GON4L: variants seen among roughly 807,000 people sequenced by gnomAD.
GON4L encodes gon-4 like.
Under a neutral mutation model 211.8 loss-of-function variants are expected in GON4L, and 87 were observed. The observed-to-expected ratio is 0.41, with a 90% CI of 0.35 to 0.49. GON4L has a LOEUF of 0.49. Ranked by LOEUF, GON4L falls within the 20% of genes least tolerant of loss-of-function variation. GON4L has a pLI of 0.15. For missense variants in GON4L, 2,155 were observed against 2,659.5 expected (o/e 0.81, Z 4.17); for synonymous variants, 875 against 962.6 (o/e 0.91, Z 1.68).
At chr1:155,839,274 A>C (rs1670574437) in intron 2 of GON4L, among the ~76,000 whole-genome samples, 1 of 152,120 alleles carries the variant, frequency 6.6e-6, no homozygotes, top group Admixed American at 6.6e-5. Flanking sequence ...CATAAGAAAG[A>C]ATCCTGCAGA....
At chr1:155,795,214 C>A in intron 11 of GON4L, 63 bp from the exon 12 acceptor site, 1 of 931,374 alleles carries the variant, frequency 1.1e-6, no homozygotes, top group South Asian at 1.3e-5. Context: ...AGAATCTGTT[C>A]CAATAAAGCA....
chr1:155,790,879 G>A (rs1161187202), intron 12 of GON4L, among the ~76,000 whole-genome samples: 1 of 151,854 alleles, frequency 6.6e-6, no homozygotes, highest in Admixed American at 6.6e-5. Flanking sequence ...GGGAGTCGGA[G>A]GTTGCAGTGA....
At chr1:155,789,326 A>C (rs1445423878) in intron 12 of GON4L, among the ~76,000 whole-genome samples, 1 of 152,158 alleles carries the variant, frequency 6.6e-6, no homozygotes, top group African/African-American at 2.4e-5. Context: ...GCTCTAGTTC[A>C]TTATATGCGT....
At chr1:155,802,063 A>G (rs1666722207) in intron 11 of GON4L, among the ~76,000 whole-genome samples, 1 of 152,182 alleles carries the variant, frequency 6.6e-6, no homozygotes, top group African/African-American at 2.4e-5. Context: ...TTAGGACTAA[A>G]ATTTAATTAT....
At chr1:155,775,616 G>A (rs538339568) in intron 16 of GON4L, among the ~76,000 whole-genome samples, 9 of 151,806 alleles carry the variant, frequency 5.9e-5, no homozygotes, top group South Asian at 2.1e-4. Flanking sequence ...CCGCTACCAC[G>A]CCCGGCTATT....
intron 27 of GON4L, among the ~76,000 whole-genome samples, chr1:155,755,039 T>G (rs1015646304): frequency 4.0e-5 from 6 of 150,290 alleles, no homozygotes; most frequent in Admixed American, 4.0e-4. Flanking sequence ...CCCAAGTAGC[T>G]GGGACTGCGC....
At chr1:155,785,293 G>C (rs1664829680) in intron 13 of GON4L, 41 bp downstream of exon 13, 1 of 1,310,926 alleles carries the variant, frequency 7.6e-7, no homozygotes, top group African/African-American at 1.4e-5. Context: ...CTGGAGAACT[G>C]ACTTAAAATC....
intron 9 of GON4L, 91 bp downstream of exon 9, chr1:155,814,239 G>T: frequency 1.6e-6 from 2 of 1,234,606 alleles, no homozygotes; most frequent in Non-Finnish European, 2.4e-6. Context: ...TGACAGCCCA[G>T]AATCACCATG....
intron 11 of GON4L, among the ~76,000 whole-genome samples, chr1:155,796,283 C>CTT (rs368237326): frequency 2.1e-5 from 3 of 142,916 alleles, no homozygotes; most frequent in Non-Finnish European, 3.1e-5. Context: ...TTTCTTTTTT[C>CTT]TTTTTTTTTT....
intron 16 of GON4L, among the ~76,000 whole-genome samples, chr1:155,776,172 G>A (rs1490598235): frequency 1.3e-5 from 2 of 152,120 alleles, no homozygotes; most frequent in Non-Finnish European, 2.9e-5. Context: ...ATATCAGAAA[G>A]ACAGTATTAA....
At chr1:155,762,573 G>C (rs1194487792) in intron 22 of GON4L, among the ~76,000 whole-genome samples, 199 bp from the exon 23 acceptor site, 1 of 152,214 alleles carries the variant, frequency 6.6e-6, no homozygotes, top group African/African-American at 2.4e-5. Context: ...GCCTTAATTG[G>C]GATGACAACA....
intron 20 of GON4L, 54 bp downstream of exon 20, chr1:155,767,371 C>A (rs569900225): frequency 6.2e-7 from 1 of 1,613,920 alleles, no homozygotes; most frequent in African/African-American, 1.3e-5. Context: ...GATATTCTCT[C>A]AGAACTTTCA....
intron 2 of GON4L, among the ~76,000 whole-genome samples, chr1:155,842,293 G>A (rs1317318474): frequency 2.6e-5 from 4 of 152,088 alleles, no homozygotes; most frequent in African/African-American, 9.7e-5. Flanking sequence ...GGGAGGCCAA[G>A]GCGAGTGGAT....
intron 6 of GON4L, among the ~76,000 whole-genome samples, chr1:155,817,720 C>T (rs1364994800): frequency 1.3e-5 from 2 of 152,056 alleles, no homozygotes; most frequent in African/African-American, 2.4e-5. Context: ...TTGAGTTCAG[C>T]CTGGGCAACA....
chr1:155,775,706 A>C (rs902703154), intron 16 of GON4L, among the ~76,000 whole-genome samples: 6 of 152,090 alleles, frequency 3.9e-5, no homozygotes, highest in African/African-American at 9.7e-5. Context: ...TGATCCAGCC[A>C]CCTCAGCCTA....
intron 14 of GON4L, among the ~76,000 whole-genome samples, chr1:155,783,762 ACT>A (rs1357996287): frequency 1.3e-5 from 2 of 152,146 alleles, no homozygotes; most frequent in Non-Finnish European, 2.9e-5. Flanking sequence ...GATGCCAGCT[ACT>A]GTTTTTTCTC....
In GON4L at chr1:155,765,913, G is replaced by C; in HGVS notation, c.3560C>G (p.Pro1187Arg). 1.2e-6 allele frequency: 2 copies of C among 1,614,208 alleles called. No homozygotes were observed. Among genetic ancestry groups the C allele is most frequent in the Non-Finnish European group, 1.7e-6 (2 of 1,180,038 alleles). The stretch of plus-strand genomic sequence containing the variant: ...GTTCAATGGACAGGGGAAGGAAGTA[G>C]GGTTAACCAAGAGGGTAGTGATGGG... ...TIPITTLLVN[P>R]TSFPCPLNQS... is the part of the protein sequence containing the mutation. The change falls in exon 21 of 32, where the codon CCT (proline) becomes CGT (arginine). Residue 1187 changes from proline (P) to arginine (R), a missense_variant. Pro to Arg is a moderately radical substitution (Grantham distance 103, BLOSUM62 -2). Coordinates refer to ENST00000368331, the MANE Select transcript of GON4L (RefSeq NM_001282860.2).
At position 155,811,130 on chromosome 1, in the gene GON4L, C is replaced by T. The variant is rs562786428; in HGVS notation, c.1452+2504G>A. Among the ~76,000 whole-genome samples, 189 of 152,136 alleles carry T rather than the reference C, an allele frequency of 1.2e-3. 1 individual carries two copies. Among genetic ancestry groups the T allele is most frequent in the African/African-American group, 4.3e-3 (180 of 41,508 alleles). On this transcript the variant is annotated intron_variant, in intron 10 of 31. Transcript: ENST00000368331. ...AAATCAGGCCAAGCGTGGTGGTTCACGCCCGTAATCCCAGCATTTTGGGAG... is the reference window on the plus strand; with the variant it reads ...AAATCAGGCCAAGCGTGGTGGTTCATGCCCGTAATCCCAGCATTTTGGGAG...
intron 12 of GON4L, among the ~76,000 whole-genome samples, chr1:155,792,195 CAT>C (rs1324448644): frequency 6.6e-6 from 1 of 152,150 alleles, no homozygotes; most frequent in Non-Finnish European, 1.5e-5. Context: ...GGGCAAAAAA[CAT>C]GTGACCACAT....
Sources: gnomAD v4.1 joint callset for allele counts (sites outside exome capture counted in the v4.1 genomes callset) on GRCh38, gnomAD v4.1.1 for gene constraint, MANE v1.5 for transcripts, NCBI Gene and HGNC (gene_info 2026-07-23, HGNC 2026-07-21) for gene names.